Variants in INPPL1 observed in about 807,000 individuals in gnomAD.
INPPL1 encodes the protein inositol polyphosphate phosphatase like 1.
A neutral mutation model predicts 139.3 loss-of-function variants in INPPL1; 91 were observed. The ratio of observed to expected loss-of-function variants is 0.65; its 90% CI spans 0.55 to 0.78. The LOEUF (loss-of-function observed/expected upper bound fraction) is 0.78. INPPL1 is among the 30% of genes least tolerant of loss of function. The probability of loss-of-function intolerance (pLI) is 0.00; values close to 1 mark genes in which losing one functional copy is unlikely to be tolerated. For missense variants in INPPL1, 1,411 were observed against 1,665.6 expected (o/e 0.85, Z 2.66); for synonymous variants, 719 against 686.6 (o/e 1.05, Z -0.74).
chr11:72,236,057 T>C (rs1948982450), intron 25 of INPPL1, 71 bp downstream of exon 25: 1 of 843,918 alleles, frequency 1.2e-6, no homozygotes, highest in Non-Finnish European at 1.8e-6. Flanking sequence ...CCCTGCAGGG[T>C]CTCAGGGTTG....
intron 5 of INPPL1, 96 bp from the exon 6 acceptor site, chr11:72,229,369 C>A: frequency 7.0e-7 from 1 of 1,420,782 alleles, no homozygotes; most frequent in Non-Finnish European, 9.9e-7. Flanking sequence ...TCACTGGTAG[C>A]CTTTATCCTT....
At position 72,234,679 on chromosome 11, in the gene INPPL1, A is replaced by C. The variant is rs1591283152; in HGVS notation, c.2415+64A>C. ...CACAGAGAGGGGTACATAAGAGTTT[A>C]TTGGAGAGCCTGCCTGGGAGGGAGT... On this transcript the variant is annotated intron_variant, in intron 21 of 27. Transcript: ENST00000298229. This position sits in a 1 kb window ranked among gnomAD's most constrained non-coding sequence, Gnocchi z 4.2. The C allele has an allele frequency of 1.7e-6, 2 of 1,171,106 alleles. No individual in the cohort carries two copies. The highest frequency in any genetic ancestry group is 4.8e-5 in the East Asian group (2 of 41,814). 72.5% of individuals were successfully genotyped at this position (1,171,106 alleles called of 1,614,324 possible). A position where few individuals can be genotyped will look rare whatever the true frequency, so the allele number is the denominator to read the frequency against.
In INPPL1 at chr11:72,231,016, G is replaced by T; in HGVS notation, c.1324G>T (p.Val442Leu). 1 of 1,613,800 alleles carries T rather than the reference G, an allele frequency of 6.2e-7. No homozygotes were observed. Among genetic ancestry groups the T allele is most frequent in the Non-Finnish European group, 8.5e-7 (1 of 1,179,850 alleles). ...AGGAAGTGTACCACCTCCAAAAAACGTGACATCCTGGTTCACATCGAAGGG... is the reference window on the plus strand; with the variant it reads ...AGGAAGTGTACCACCTCCAAAAAACTTGACATCCTGGTTCACATCGAAGGG... The part of the protein sequence containing the change: ...NMGSVPPPKN[V>L]TSWFTSKGLG... Residue 442 changes from valine to leucine, a missense_variant, in exon 12 of 28, where the codon GTG (valine) becomes TTG (leucine). Transcript: ENST00000298229.
At position 72,235,734 on chromosome 11, in the gene INPPL1, C is replaced by T. The variant is rs781674896; in HGVS notation, c.2719C>T (p.Arg907Ter). The T allele has an allele frequency of 4.3e-6, 7 of 1,613,886 alleles. No homozygotes were observed. The highest frequency in any genetic ancestry group is 1.7e-5 in the Admixed American group (1 of 59,996). Residue 907 changes from arginine (R) to a stop codon, truncating the protein, a stop_gained, in exon 24 of 28, where the codon CGA becomes TGA. Coordinates refer to ENST00000298229, the MANE Select transcript of INPPL1 (RefSeq NM_001567.4). LOFTEE classifies it high-confidence loss of function. This position sits in a 1 kb window ranked among gnomAD's most constrained non-coding sequence, Gnocchi z 4.9. The part of the protein sequence containing the change: ...GAKSKAPSVS[R>*]GSQEPRSGSR... ...AAAGAGCAAAGCCCCCTCTGTGTCC[C>T]GAGGGAGCCAGGAGCCCAGGTGAGC...
At position 72,234,687 on chromosome 11, in the gene INPPL1, G is replaced by A. The variant is rs996189888; in HGVS notation, c.2415+72G>A. 9.2e-7 allele frequency: 1 copy of A among 1,091,276 alleles called. No individual in the cohort carries two copies. The highest frequency in any genetic ancestry group is 1.6e-5 in the African/African-American group (1 of 64,256). 67.6% of individuals were successfully genotyped at this position (1,091,276 alleles called of 1,614,324 possible). A position where few individuals can be genotyped will look rare whatever the true frequency, so the allele number is the denominator to read the frequency against. On this transcript the variant is annotated intron_variant, in intron 21 of 27. Transcript: ENST00000298229. This position sits in a 1 kb window ranked among gnomAD's most constrained non-coding sequence, Gnocchi z 4.2. The stretch of plus-strand genomic sequence containing the variant: ...GGGGTACATAAGAGTTTATTGGAGA[G>A]CCTGCCTGGGAGGGAGTGTGGGGCC...
Position 72,228,629 on chromosome 11 carries a change from AC to A in INPPL1, c.398-95del. 1 of 1,542,688 alleles carries A rather than the reference AC, an allele frequency of 6.5e-7. No individual in the cohort carries two copies. The highest frequency in any genetic ancestry group is 8.8e-7 in the Non-Finnish European group (1 of 1,140,552). ...TTGGCCATGATGCCGGGGCCCTTTA[AC>A]CCTCTTTCCATGGAAGTCACTTTAC... On this transcript the variant is annotated intron_variant, in intron 3 of 27. Transcript: ENST00000298229. The surrounding 1 kb of genome is among the most constrained non-coding windows in gnomAD (Gnocchi z 5.0).
rs927045259 is a variant in INPPL1, at chr11:72,225,518, C to T, written c.182+352C>T. On this transcript the variant is annotated intron_variant, in intron 1 of 27. Coordinates refer to ENST00000298229, the MANE Select transcript of INPPL1 (RefSeq NM_001567.4). ...ATGTGCATTCCACGTTGTGTGCAGT[C>T]CCGTTTGGATAGGGACTGAGTGGTG... 18 of 985,244 alleles carry T rather than the reference C, an allele frequency of 1.8e-5. No individual in the cohort carries two copies. In the South Asian group the frequency reaches 4.7e-4, roughly 26 times the overall value. 61.0% of individuals were successfully genotyped at this position (985,244 alleles called of 1,614,324 possible). A position where few individuals can be genotyped will look rare whatever the true frequency, so the allele number is the denominator to read the frequency against.
Position 72,234,734 on chromosome 11 carries a change from T to A in INPPL1, c.2415+119T>A, listed in dbSNP as rs35322067. 0.095 allele frequency: 17,602 copies of A among 184,732 alleles called. 189 individuals carry two copies. Among genetic ancestry groups the A allele is most frequent in the East Asian group, 0.32 (2,602 of 8,128 alleles). The allele number at this position is 184,732 out of a possible 1,614,324, so 11.4% of individuals were successfully genotyped here. ...GGCCAGCAGAGAGAGAGAGAGAGAG[T>A]GTGTGTGTGTGTGTGTGTGTGTGTG... On this transcript the variant is annotated intron_variant, in intron 21 of 27. Coordinates refer to ENST00000298229, the MANE Select transcript of INPPL1 (RefSeq NM_001567.4). The surrounding 1 kb of genome is among the most constrained non-coding windows in gnomAD (Gnocchi z 4.2).
intron 1 of INPPL1, among the ~76,000 whole-genome samples, chr11:72,226,145 C>T (rs962049533): frequency 1.3e-5 from 2 of 149,422 alleles, no homozygotes; most frequent in Admixed American, 6.7e-5. Context: ...CATCTTTGGT[C>T]GGGGCGCACA....
chr11:72,225,502 C>T (rs1948645433), intron 1 of INPPL1: 1 of 985,268 alleles, frequency 1.0e-6, no homozygotes, highest in East Asian at 1.1e-4. Context: ...GATGTGCATT[C>T]CACGTTGTGT....
Position 72,224,997 on chromosome 11 carries a change from T to A in INPPL1, c.13T>A (p.Cys5Ser). 8.4e-7 allele frequency: 1 copy of A among 1,194,752 alleles called. No individual in the cohort carries two copies. Among genetic ancestry groups the A allele is most frequent in the South Asian group, 4.2e-5 (1 of 24,096 alleles). The allele number at this position is 1,194,752 out of a possible 1,614,324, so 74.0% of individuals were successfully genotyped here. A position where few individuals can be genotyped will look rare whatever the true frequency, so the allele number is the denominator to read the frequency against. MASA[C>S]GAPGPGGALG... ...CCCTGCGCGGGCCATGGCCTCGGCC[T>A]GCGGGGCGCCGGGCCCGGGGGGCGC... Residue 5 changes from cysteine to serine, a missense_variant, in exon 1 of 28, where the codon TGC becomes AGC. Physicochemically the swap from Cys to Ser is moderately radical, Grantham distance 112. Coordinates refer to ENST00000298229, the MANE Select transcript of INPPL1 (RefSeq NM_001567.4).
intron 14 of INPPL1, 60 bp downstream of exon 14, chr11:72,232,396 C>G: frequency 2.1e-6 from 3 of 1,441,138 alleles, no homozygotes; most frequent in Non-Finnish European, 2.9e-6. Flanking sequence ...GAGGCCTGTT[C>G]CCGCTCCCAT....
chr11:72,232,846 G>A (rs1565391868), intron 15 of INPPL1, 29 bp from the exon 16 acceptor site: 1 of 1,613,774 alleles, frequency 6.2e-7, no homozygotes, highest in South Asian at 1.1e-5. Context: ...CCGGAGGAAT[G>A]TTTCTAGCCT....
intron 10 of INPPL1, 22 bp from the exon 11 acceptor site, chr11:72,230,772 CCT>C (rs1445410090): frequency 2.5e-6 from 4 of 1,607,302 alleles, no homozygotes; most frequent in Non-Finnish European, 3.4e-6. Flanking sequence ...CCTACCCGCC[CCT>C]GAGTGGCTGC....
rs375358684 is a variant in INPPL1, at chr11:72,235,327, C to T, written c.2535C>T (p.Ile845=). 7.2e-5 allele frequency: 116 copies of T among 1,613,922 alleles called. No individual in the cohort carries two copies. The highest frequency in any genetic ancestry group is 5.3e-4 in the East Asian group (24 of 44,888). Residue 845 remains isoleucine (I), a synonymous_variant, in exon 23 of 28, where the codon ATC becomes ATT. Coordinates refer to ENST00000298229, the MANE Select transcript of INPPL1 (RefSeq NM_001567.4). This position sits in a 1 kb window ranked among gnomAD's most constrained non-coding sequence, Gnocchi z 4.9. ...GECVVALKSM[I]GSTAQQFLTF... ...GTGTGGTTGCACTCAAATCCATGAT[C>T]GGCAGCACGGCCCAACAGTTCCTGA...
In INPPL1 at chr11:72,233,704, A is replaced by G. The variant is rs1205075225; in HGVS notation, c.2172A>G (p.Thr724=). 5 of 1,613,946 alleles carry G rather than the reference A, an allele frequency of 3.1e-6. No individual in the cohort carries two copies. The East Asian group carries it at 8.9e-5, about 29-fold the overall frequency. The change falls in exon 19 of 28, where the codon ACA becomes ACG. Residue 724 remains threonine, a synonymous_variant. Transcript: ENST00000298229. The part of the protein sequence containing the change: ...VTSDHSPVFG[T]FEVGVTSQFI... ...GCGACCATTCCCCCGTGTTTGGGAC[A>G]TTTGAGGTTGGAGTTACCTCCCAGT...
chr11:72,232,491 C>T, intron 14 of INPPL1, 135 bp from the exon 15 acceptor site: 1 of 1,283,748 alleles, frequency 7.8e-7, no homozygotes, highest in African/African-American at 1.5e-5. Flanking sequence ...TGTTCCTGAC[C>T]CTAACCTTGT....
Position 72,232,613 on chromosome 11 carries a change from C to CTAGGT in INPPL1, c.1713-13_1713-12insTAGGT. ...GGGATCTACCCCTCCCCACCACGCA[C>CTAGGT]CCCTCACCCTAGGAGGAACCAAAAC... On this transcript the variant is annotated splice_polypyrimidine_tract_variant and intron_variant, in intron 14 of 27. Coordinates refer to ENST00000298229, the MANE Select transcript of INPPL1 (RefSeq NM_001567.4). 3 of 1,613,024 alleles carry CTAGGT rather than the reference C, an allele frequency of 1.9e-6. No individual in the cohort carries two copies. The highest frequency in any genetic ancestry group is 2.5e-6 in the Non-Finnish European group (3 of 1,179,586).
chr11:72,237,726 ACTATGGCCGGCCCCTC>A lies in INPPL1; in HGVS notation c.3483_3498del (p.Asp1161GlufsTer36). ...CAGCCCCCCCGGGGACTGCCCTCGG[ACTATGGCCGGCCCCTC>A]AGCTTCCCTCCACCCCGCATCCGGG... On this transcript the variant is annotated frameshift_variant, in exon 26 of 28. Transcript: ENST00000298229. LOFTEE classifies it high-confidence loss of function. The A allele has an allele frequency of 6.2e-7, 1 of 1,611,730 alleles. No individual in the cohort carries two copies. Among genetic ancestry groups the A allele is most frequent in the Non-Finnish European group, 8.5e-7 (1 of 1,179,522 alleles).
Sources: allele counts gnomAD v4.1 joint callset (sites outside exome capture counted in the v4.1 genomes callset), GRCh38; gene constraint gnomAD v4.1.1; non-coding constraint Gnocchi (gnomAD v3.1); transcripts MANE v1.5; gene names NCBI Gene and HGNC (gene_info 2026-07-23, HGNC 2026-07-21).